PRDM16: variants seen among roughly 807,000 people sequenced by gnomAD.
The protein encoded by PRDM16 is PR/SET domain 16, also known as histone-lysine N-methyltransferase PRDM16.
In PRDM16, 23 loss-of-function variants were observed where a neutral mutation model predicts 110.6. The ratio of observed to expected loss-of-function variants is 0.21; its 90% CI spans 0.15 to 0.29. The LOEUF (loss-of-function observed/expected upper bound fraction) is 0.29, where lower values mean the gene tolerates loss of function less well. PRDM16 is among the 10% of genes least tolerant of loss of function. The probability of loss-of-function intolerance (pLI) is 1.00; values close to 1 mark genes in which losing one functional copy is unlikely to be tolerated. For missense variants in PRDM16, 1,615 were observed against 1,794.3 expected (o/e 0.90, Z 1.81); for synonymous variants, 799 against 781.8 (o/e 1.02, Z -0.37).
intron 1 of PRDM16, among the ~76,000 whole-genome samples, chr1:3,096,553 C>T (rs545771516): frequency 2.0e-5 from 3 of 152,208 alleles, no homozygotes; most frequent in African/African-American, 7.2e-5. Flanking sequence ...TCTGCACCTG[C>T]CTCTTCCTCT....
rs1557478952 is a variant in PRDM16 at position 3,141,907 on chromosome 1, G to A, written c.38-44218G>A. 2.0e-5 allele frequency among the ~76,000 whole-genome samples: 3 copies of A among 152,374 alleles called. No individual in the cohort carries two copies. In the East Asian group the frequency reaches 5.8e-4, roughly 29 times the overall value. ...CCCGTTCTGTGCGGAAGCATGTGCT[G>A]CCCACGGTAGGGGATTTTTACCTTT... On this transcript the variant is annotated intron_variant, in intron 1 of 16. Coordinates refer to ENST00000270722, the MANE Select transcript of PRDM16 (RefSeq NM_022114.4).
intron 3 of PRDM16, among the ~76,000 whole-genome samples, chr1:3,276,742 T>G (rs1640594414): frequency 1.4e-5 from 1 of 71,548 alleles, no homozygotes; most frequent in Admixed American, 1.2e-4. Context: ...CCTCACGGTT[T>G]CCCCTTTCTC....
Position 3,417,842 on chromosome 1 carries a change from G to A in PRDM16, c.2706G>A (p.Glu902=), listed in dbSNP as rs528177952. 1.2e-5 allele frequency: 19 copies of A among 1,613,870 alleles called. No homozygotes were observed. Among genetic ancestry groups the A allele is most frequent in the Non-Finnish European group, 1.6e-5 (19 of 1,179,954 alleles). The change falls in exon 11 of 17, where the codon GAG becomes GAA. Residue 902 remains glutamate (E), a synonymous_variant. Transcript: ENST00000270722. ...TATGCCTACAGATGTCAGCCATAGA[G>A]ACCATGACAGAGAAGCTGGAGAGCT... ...LLFHPQMSAI[E]TMTEKLESFA...
chr1:3,362,471 G>T (rs1240906657), intron 3 of PRDM16, among the ~76,000 whole-genome samples: 4 of 152,122 alleles, frequency 2.6e-5, no homozygotes, highest in African/African-American at 9.7e-5. Context: ...GGCAGGCAGA[G>T]ATGGGTCAGG....
intron 3 of PRDM16, among the ~76,000 whole-genome samples, chr1:3,344,684 A>T (rs574507022): frequency 6.6e-6 from 1 of 152,328 alleles, no homozygotes; most frequent in South Asian, 2.1e-4. Context: ...TTTTGGTTCT[A>T]GAGAGAGTTT....
At chr1:3,421,891 G>A (rs1428944846) in intron 12 of PRDM16, among the ~76,000 whole-genome samples, 1 of 151,576 alleles carries the variant, frequency 6.6e-6, no homozygotes, top group East Asian at 1.9e-4. Context: ...CGGACAGACA[G>A]GAAGATAGGC....
chr1:3,379,978 T>C (rs868654048), intron 3 of PRDM16, among the ~76,000 whole-genome samples: 31 of 24,420 alleles, frequency 1.3e-3, no homozygotes, highest in East Asian at 3.7e-3. Context: ...CCCAACACAC[T>C]CATCCCAACA....
chr1:3,188,038 A>G (rs1325648105), intron 2 of PRDM16, among the ~76,000 whole-genome samples: 1 of 152,114 alleles, frequency 6.6e-6, no homozygotes, highest in East Asian at 1.9e-4. Flanking sequence ...GAAGCAGGAC[A>G]GGGAGAGAGT....
chr1:3,249,162 T>G (rs1462134180), intron 3 of PRDM16, among the ~76,000 whole-genome samples: 1 of 149,750 alleles, frequency 6.7e-6, no homozygotes, highest in Non-Finnish European at 1.5e-5. Flanking sequence ...TGTGGCTCAC[T>G]GTGTTCTGTT....
intron 3 of PRDM16, among the ~76,000 whole-genome samples, chr1:3,281,699 T>C (rs1640714610): frequency 6.6e-6 from 1 of 152,250 alleles, no homozygotes; most frequent in African/African-American, 2.4e-5. Context: ...ATGACCAGAT[T>C]GATTGACTAG....
At chr1:3,140,192 G>A (rs906750275) in intron 1 of PRDM16, among the ~76,000 whole-genome samples, 12 of 152,330 alleles carry the variant, frequency 7.9e-5, no homozygotes, top group African/African-American at 2.6e-4. Flanking sequence ...TGCAGCCCCC[G>A]GATGGCCGTT....
At chr1:3,204,352 G>GA (rs966356404) in intron 2 of PRDM16, among the ~76,000 whole-genome samples, 25 of 151,478 alleles carry the variant, frequency 1.7e-4, no homozygotes, top group South Asian at 4.2e-4. Context: ...CTTTCAGACA[G>GA]AAAAAAAAAT....
At position 3,432,223 on chromosome 1, in the gene PRDM16, C is replaced by T. The variant is rs1470961236; in HGVS notation, c.3696+83C>T. 8 of 1,287,286 alleles carry T rather than the reference C, an allele frequency of 6.2e-6. No homozygotes were observed. The East Asian group carries it at 9.3e-5, about 15-fold the overall frequency. The allele number at this position is 1,287,286 out of a possible 1,614,324, so 79.7% of individuals were successfully genotyped here. Reference sequence around the variant, plus strand: ...GCCAGCACTCCTCTCCCGCCGTGGCCCTCCTAGGCCTGAGGAAGCTCTGGT... The same window carrying T: ...GCCAGCACTCCTCTCCCGCCGTGGCTCTCCTAGGCCTGAGGAAGCTCTGGT... On this transcript the variant is annotated intron_variant, in intron 16 of 16. Coordinates refer to ENST00000270722, the MANE Select transcript of PRDM16 (RefSeq NM_022114.4).
Position 3,172,772 on chromosome 1 carries a change from T to C in PRDM16, c.38-13353T>C, listed in dbSNP as rs145113395. Among the ~76,000 whole-genome samples, 7 of 152,192 alleles carry C rather than the reference T, an allele frequency of 4.6e-5. No homozygotes were observed. The East Asian group carries it at 1.4e-3, about 29-fold the overall frequency. ...TGCATAGAGACGGAAAGTAGAATGGTGGCTGCCGGGGCTGGGGGAGGGGAT... is the reference window on the plus strand; with the variant it reads ...TGCATAGAGACGGAAAGTAGAATGGCGGCTGCCGGGGCTGGGGGAGGGGAT... On this transcript the variant is annotated intron_variant, in intron 1 of 16. Coordinates refer to ENST00000270722, the MANE Select transcript of PRDM16 (RefSeq NM_022114.4).
intron 3 of PRDM16, among the ~76,000 whole-genome samples, chr1:3,361,728 G>A (rs187998951): frequency 2.1e-3 from 317 of 152,334 alleles, no homozygotes; most frequent in Non-Finnish European, 3.9e-3. Flanking sequence ...AGAAGTGACT[G>A]TGACCCGGGA....
chr1:3,114,677 C>A (rs747876132), intron 1 of PRDM16, among the ~76,000 whole-genome samples: 1 of 152,248 alleles, frequency 6.6e-6, no homozygotes, highest in East Asian at 1.9e-4. Flanking sequence ...CACACATGCA[C>A]ACATGCACCC....
intron 8 of PRDM16, among the ~76,000 whole-genome samples, chr1:3,408,929 T>C (rs1256866814): frequency 7.4e-6 from 1 of 135,942 alleles, no homozygotes; most frequent in African/African-American, 2.9e-5. Flanking sequence ...AGTGCTTGTG[T>C]TGGCACGCAT....
At chr1:3,285,050 G>A (rs911477441) in intron 3 of PRDM16, among the ~76,000 whole-genome samples, 2 of 152,218 alleles carry the variant, frequency 1.3e-5, no homozygotes, top group African/African-American at 2.4e-5. Context: ...CTGGTGCCCT[G>A]GACGGGGTGC....
At position 3,114,400 on chromosome 1, in the gene PRDM16, GCA is replaced by G. The variant is rs1176438812; in HGVS notation, c.37+45112_37+45113del. The stretch of plus-strand genomic sequence containing the variant: ...GGTGTAAACAGACGCGCACGCACGC[GCA>G]CACACACGCACACACATGCACACAC... On this transcript the variant is annotated intron_variant, in intron 1 of 16. Coordinates refer to ENST00000270722, the MANE Select transcript of PRDM16 (RefSeq NM_022114.4). 5.5e-4 allele frequency among the ~76,000 whole-genome samples: 54 copies of G among 97,952 alleles called. 1 individual carries two copies. The highest frequency in any genetic ancestry group is 1.6e-3 in the African/African-American group (46 of 28,340). 64.3% of individuals were successfully genotyped at this position (97,952 alleles called of 152,430 possible). A position where few individuals can be genotyped will look rare whatever the true frequency, so the allele number is the denominator to read the frequency against.
Sources: allele counts gnomAD v4.1 joint callset (sites outside exome capture counted in the v4.1 genomes callset), GRCh38; gene constraint gnomAD v4.1.1; transcripts MANE v1.5; gene names NCBI Gene and HGNC (gene_info 2026-07-23, HGNC 2026-07-21).